DCDC2: variants seen among roughly 807,000 people sequenced by gnomAD.
DCDC2 encodes doublecortin domain containing 2.
In DCDC2, 40 loss-of-function variants were observed where a neutral mutation model predicts 50.2. The observed-to-expected ratio is 0.80, with a 90% CI of 0.62 to 1.04. DCDC2 has a LOEUF of 1.04. Among genes scored for constraint, DCDC2 ranks in the 50% least tolerant of loss-of-function variants. The pLI is 0.00. For synonymous variants in DCDC2, 234 were observed against 210.6 expected (o/e 1.11, Z -0.96); for missense variants, 570 against 581.9 (o/e 0.98, Z 0.21).
intron 8 of DCDC2, among the ~76,000 whole-genome samples, chr6:24,193,834 A>T (rs895517480): frequency 6.6e-6 from 1 of 152,132 alleles, no homozygotes; most frequent in African/African-American, 2.4e-5. Context: ...GTAATTACAT[A>T]AAAAGTTAAT....
At chr6:24,362,448 ATTTTTTATTTAATTGTATATTTATACAAT>A (rs1422920248), upstream of DCDC2, among the ~76,000 whole-genome samples, 2 of 121,398 alleles carry the variant, frequency 1.6e-5, no homozygotes, top group African/African-American at 3.7e-5. Flanking sequence ...TTATACAATT[ATTTTTTATTTAATTGTATATTTATACAAT>A]TTTTTTATTT....
At chr6:24,268,034 C>T (rs1019742717) in intron 7 of DCDC2, among the ~76,000 whole-genome samples, 17 of 152,194 alleles carry the variant, frequency 1.1e-4, no homozygotes, top group Non-Finnish European at 1.9e-4. Context: ...AGATGCTCCT[C>T]AGTAATAGGG....
At chr6:24,220,895 CGAGCGAGCGAGA>C (rs1762097873) in intron 7 of DCDC2, among the ~76,000 whole-genome samples, 1 of 117,158 alleles carries the variant, frequency 8.5e-6, no homozygotes, top group African/African-American at 2.9e-5. Flanking sequence ...AGAGAGTGAG[CGAGCGAGCGAGA>C]GAGTGAGCGA....
chr6:24,358,899 A>T (rs779617001), upstream of DCDC2, among the ~76,000 whole-genome samples: 36 of 21,482 alleles, frequency 1.7e-3, no homozygotes, highest in African/African-American at 4.6e-3. Flanking sequence ...TTATATATAT[A>T]ATATATTATA....
In DCDC2 at chr6:24,192,397, C is replaced by T. The variant is rs531281570; in HGVS notation, c.1023+12605G>A. 2.6e-5 allele frequency among the ~76,000 whole-genome samples: 4 copies of T among 151,962 alleles called. No individual in the cohort carries two copies. The South Asian group carries it at 8.4e-4, about 32-fold the overall frequency. ...ACAGGACACCTCCCCTACCTATGCACACAGTGTGTCCTTAATACCTCACTC... is the reference window on the plus strand; with the variant it reads ...ACAGGACACCTCCCCTACCTATGCATACAGTGTGTCCTTAATACCTCACTC... On this transcript the variant is annotated intron_variant, in intron 8 of 9. Transcript: ENST00000378454.
intron 8 of DCDC2, among the ~76,000 whole-genome samples, chr6:24,197,880 A>C (rs1021885913): frequency 2.0e-5 from 3 of 152,190 alleles, no homozygotes; most frequent in Non-Finnish European, 2.9e-5. Context: ...CTCCTCACCT[A>C]AACTCCAATC....
At chr6:24,187,781 G>T (rs150376837) in intron 8 of DCDC2, among the ~76,000 whole-genome samples, 188 of 152,218 alleles carry the variant, frequency 1.2e-3, no homozygotes, top group African/African-American at 4.0e-3. Context: ...TGATGATAAG[G>T]CTCACACTTA....
At chr6:24,264,100 A>G (rs1009251226) in intron 7 of DCDC2, among the ~76,000 whole-genome samples, 22 of 151,882 alleles carry the variant, frequency 1.4e-4, no homozygotes, top group African/African-American at 5.1e-4. Context: ...TAAAGTGAAG[A>G]AAAAAAAACT....
At chr6:24,218,570 GCA>G (rs1424958011) in intron 7 of DCDC2, among the ~76,000 whole-genome samples, 3 of 152,174 alleles carry the variant, frequency 2.0e-5, no homozygotes, top group Non-Finnish European at 4.4e-5. Flanking sequence ...ATAGCTCACT[GCA>G]GTCTTGACCT....
At chr6:24,328,876 T>C (rs945595733) in intron 2 of DCDC2, among the ~76,000 whole-genome samples, 2 of 152,192 alleles carry the variant, frequency 1.3e-5, no homozygotes, top group African/African-American at 4.8e-5. Context: ...AGGAGCCACA[T>C]AGTTCTCATT....
intron 7 of DCDC2, among the ~76,000 whole-genome samples, chr6:24,253,144 T>C (rs1762825867): frequency 1.3e-5 from 2 of 151,830 alleles, no homozygotes; most frequent in Non-Finnish European, 2.9e-5. Flanking sequence ...AAAGAGTAAG[T>C]TAAACTCAAA....
chr6:24,353,557 T>G lies in DCDC2; in HGVS notation c.348+12A>C, dbSNP rs777002715. On this transcript the variant is annotated intron_variant, in intron 2 of 9. Transcript: ENST00000378454. ...TTATTTATTTGAATTTTCAAAATAA[T>G]ATTTGCATTACCTCTGTATTAACAA... 5 of 1,519,400 alleles carry G rather than the reference T, an allele frequency of 3.3e-6. No individual in the cohort carries two copies. Among genetic ancestry groups the G allele is most frequent in the Non-Finnish European group, 3.6e-6 (4 of 1,108,692 alleles). 94.1% of individuals were successfully genotyped at this position (1,519,400 alleles called of 1,614,324 possible). A position where few individuals can be genotyped will look rare whatever the true frequency, so the allele number is the denominator to read the frequency against.
intron 4 of DCDC2, among the ~76,000 whole-genome samples, chr6:24,292,686 A>T (rs1763777030): frequency 6.6e-6 from 1 of 152,226 alleles, no homozygotes. Flanking sequence ...TGGGCAACAT[A>T]GTAAGACGCT....
chr6:24,236,974 A>C (rs1762454356), intron 7 of DCDC2, among the ~76,000 whole-genome samples: 1 of 151,608 alleles, frequency 6.6e-6, no homozygotes, highest in South Asian at 2.1e-4. Context: ...GCACAATTGC[A>C]CTCCAGCCTG....
At chr6:24,260,852 G>A (rs1434899532) in intron 7 of DCDC2, among the ~76,000 whole-genome samples, 5 of 152,148 alleles carry the variant, frequency 3.3e-5, no homozygotes, top group Admixed American at 1.3e-4. Context: ...TTTTGTCCTG[G>A]GAGGCTACTC....
At chr6:24,274,605 C>CAAAAAAAAAAAAAAAAAAAAA (rs61569208) in intron 7 of DCDC2, among the ~76,000 whole-genome samples, 42 of 82,412 alleles carry the variant, frequency 5.1e-4, no homozygotes, top group African/African-American at 7.8e-4. Flanking sequence ...GAAACAGAGT[C>CAAAAAAAAAAAAAAAAAAAAA]AAAAAAAAAA....
At chr6:24,376,737 CAAAAAAAA>C in the DCDC2 span, among the ~76,000 whole-genome samples, 2 of 46,770 alleles carry the variant, frequency 4.3e-5, no homozygotes, top group Non-Finnish European at 7.3e-5. Flanking sequence ...CAGGTATATG[CAAAAAAAA>C]AAAAAAAAAA....
At chr6:24,274,640 A>G (rs1375806638) in intron 7 of DCDC2, among the ~76,000 whole-genome samples, 1 of 151,184 alleles carries the variant, frequency 6.6e-6, no homozygotes, top group Non-Finnish European at 1.5e-5. Context: ...GAAGAAAAGA[A>G]AAGAAAAAAG....
At chr6:24,323,832 G>A (rs1759812743) in intron 2 of DCDC2, among the ~76,000 whole-genome samples, 1 of 152,146 alleles carries the variant, frequency 6.6e-6, no homozygotes, top group Non-Finnish European at 1.5e-5. Flanking sequence ...TAGTTTCAAA[G>A]AAATTTGATC....
Sources: allele counts gnomAD v4.1 joint callset (sites outside exome capture counted in the v4.1 genomes callset), GRCh38; gene constraint gnomAD v4.1.1; transcripts MANE v1.5; gene names NCBI Gene and HGNC (gene_info 2026-07-23, HGNC 2026-07-21).